Variants in GMDS observed in about 807,000 individuals in gnomAD.
The protein encoded by GMDS is GDP-mannose 4,6-dehydratase, also known as GDP-mannose 4,6 dehydratase.
In GMDS, 20 loss-of-function variants were observed where a neutral mutation model predicts 49.9. The ratio of observed to expected loss-of-function variants is 0.40; its 90% CI spans 0.28 to 0.58. The LOEUF is 0.58. Among genes scored for constraint, GMDS ranks in the 20% least tolerant of loss-of-function variants. GMDS has a pLI of 0.42. For missense variants in GMDS, 362 were observed against 481.4 expected (o/e 0.75, Z 2.32); for synonymous variants, 177 against 178.6 (o/e 0.99, Z 0.07).
At chr6:1,642,153 C>CT (rs543577735) in intron 9 of GMDS, among the ~76,000 whole-genome samples, 3,383 of 110,706 alleles carry the variant, frequency 0.031, 81 homozygotes, top group African/African-American at 0.077. Flanking sequence ...CAGTTTCCAT[C>CT]TTTTTTTTTT....
chr6:1,995,609 T>G (rs2127370592), intron 4 of GMDS, among the ~76,000 whole-genome samples: 1 of 152,254 alleles, frequency 6.6e-6, no homozygotes, highest in Non-Finnish European at 1.5e-5. Flanking sequence ...CATGAAGCAT[T>G]TAATCTTCCA....
intron 7 of GMDS, among the ~76,000 whole-genome samples, chr6:1,924,509 G>T (rs1161159128): frequency 1.3e-5 from 2 of 152,176 alleles, no homozygotes; most frequent in Non-Finnish European, 2.9e-5. Flanking sequence ...GGTGGTAAAA[G>T]CCTGAAGATA....
chr6:1,969,019 T>C (rs1369319947), intron 4 of GMDS, among the ~76,000 whole-genome samples: 1 of 151,960 alleles, frequency 6.6e-6, no homozygotes, highest in Non-Finnish European at 1.5e-5. Context: ...CCCAGCACTT[T>C]GGGAGGCCGA....
intron 1 of GMDS, among the ~76,000 whole-genome samples, chr6:2,235,040 G>A (rs1781292360): frequency 2.0e-5 from 3 of 152,136 alleles, no homozygotes; most frequent in African/African-American, 4.8e-5. Context: ...CAGGAGAATC[G>A]CTTGAACCTG....
intron 1 of GMDS, among the ~76,000 whole-genome samples, chr6:2,170,006 C>A (rs1777888690): frequency 6.6e-6 from 1 of 152,154 alleles, no homozygotes; most frequent in Admixed American, 6.5e-5. Flanking sequence ...GAGTTCACGA[C>A]CAGCCTGACC....
intron 9 of GMDS, among the ~76,000 whole-genome samples, chr6:1,661,998 T>C (rs528061957): frequency 6.6e-6 from 1 of 152,196 alleles, no homozygotes; most frequent in South Asian, 2.1e-4. Context: ...GATGAAATCC[T>C]ACAGCAGGAG....
chr6:1,689,487 T>A (rs73716252), intron 9 of GMDS, among the ~76,000 whole-genome samples: 1 of 152,224 alleles, frequency 6.6e-6, no homozygotes, highest in East Asian at 1.9e-4. Context: ...AATAGAGATA[T>A]AATGTTAGAA....
At chr6:2,186,224 C>T (rs234918) in intron 1 of GMDS, among the ~76,000 whole-genome samples, 12 of 152,122 alleles carry the variant, frequency 7.9e-5, no homozygotes, top group Non-Finnish European at 1.2e-4. Flanking sequence ...ACAGCCTATG[C>T]GGACCGCTGC....
intron 4 of GMDS, among the ~76,000 whole-genome samples, chr6:2,031,513 A>G (rs1352225593): frequency 2.6e-5 from 4 of 152,146 alleles, no homozygotes; most frequent in Non-Finnish European, 5.9e-5. Flanking sequence ...ATCAAGTTGA[A>G]AAGGGTGTGT....
intron 8 of GMDS, among the ~76,000 whole-genome samples, chr6:1,732,613 G>T (rs1417275919): frequency 2.0e-5 from 3 of 152,172 alleles, no homozygotes; most frequent in African/African-American, 7.2e-5. Context: ...TTGTAATACA[G>T]TACAATAGAA....
chr6:1,791,529 G>C (rs572090233), intron 7 of GMDS, among the ~76,000 whole-genome samples: 1 of 152,202 alleles, frequency 6.6e-6, no homozygotes, highest in South Asian at 2.1e-4. Context: ...TCTCCCAAAG[G>C]CCACATCTCC....
At chr6:1,818,140 G>A (rs936781545) in intron 7 of GMDS, among the ~76,000 whole-genome samples, 4 of 152,020 alleles carry the variant, frequency 2.6e-5, no homozygotes, top group African/African-American at 9.7e-5. Flanking sequence ...TATGACGACA[G>A]GTATAAATAT....
intron 9 of GMDS, among the ~76,000 whole-genome samples, chr6:1,678,846 T>C (rs1764701138): frequency 6.6e-6 from 1 of 152,236 alleles, no homozygotes; most frequent in African/African-American, 2.4e-5. Flanking sequence ...ACATATTTCC[T>C]TTTACACAAG....
At chr6:2,112,101 A>G (rs1022937955) in intron 4 of GMDS, among the ~76,000 whole-genome samples, 1 of 152,236 alleles carries the variant, frequency 6.6e-6, no homozygotes, top group African/African-American at 2.4e-5. Context: ...GGTATGGAAC[A>G]GGGATTTCGA....
chr6:1,845,661 G>A (rs532746984), intron 7 of GMDS, among the ~76,000 whole-genome samples: 2 of 152,246 alleles, frequency 1.3e-5, no homozygotes, highest in African/African-American at 2.4e-5. Context: ...CTGGGGGTGT[G>A]GGGCGATGGT....
At chr6:1,891,007 A>G (rs557806907) in intron 7 of GMDS, among the ~76,000 whole-genome samples, 10 of 152,180 alleles carry the variant, frequency 6.6e-5, no homozygotes, top group East Asian at 3.8e-4. Context: ...AAATCAACCA[A>G]TTACAAATGT....
intron 9 of GMDS, among the ~76,000 whole-genome samples, chr6:1,633,039 A>C (rs1561687186): frequency 6.6e-6 from 1 of 152,204 alleles, no homozygotes. Context: ...GTTGTGTGAG[A>C]ATTCAAAATT....
intron 7 of GMDS, among the ~76,000 whole-genome samples, chr6:1,870,422 C>A (rs1758674209): frequency 6.6e-6 from 1 of 152,146 alleles, no homozygotes; most frequent in South Asian, 2.1e-4. Context: ...GCCAATCAAG[C>A]CACAATGTCA....
At chr6:1,968,762 C>T (rs1032665705) in intron 4 of GMDS, among the ~76,000 whole-genome samples, 8 of 152,122 alleles carry the variant, frequency 5.3e-5, no homozygotes, top group Non-Finnish European at 1.0e-4. Context: ...AAAGAGCACA[C>T]ATTTTTAAAA....
Sources: gnomAD v4.1 joint callset for allele counts (sites outside exome capture counted in the v4.1 genomes callset) on GRCh38, gnomAD v4.1.1 for gene constraint, MANE v1.5 for transcripts, NCBI Gene and HGNC (gene_info 2026-07-23, HGNC 2026-07-21) for gene names.